PEX14: variants seen among roughly 807,000 people sequenced by gnomAD.
The protein encoded by PEX14 is peroxisomal membrane protein PEX14.
PEX14 carries 15 observed loss-of-function variants against 49.5 expected under a neutral mutation model. The ratio of observed to expected loss-of-function variants is 0.30; its 90% CI spans 0.20 to 0.47. The LOEUF (loss-of-function observed/expected upper bound fraction) is 0.47. Among genes scored for constraint, PEX14 ranks in the 20% least tolerant of loss-of-function variants. The probability of loss-of-function intolerance (pLI) is 1.00; values close to 1 mark genes in which losing one functional copy is unlikely to be tolerated. For missense variants in PEX14, 398 were observed against 494.8 expected, an observed-to-expected ratio of 0.80 and a Z score of 1.86; for synonymous variants, 210 against 212.7, an observed-to-expected ratio of 0.99 and a Z score of 0.11.
chr1:10,544,985 T>A (rs2124498892), intron 3 of PEX14, among the ~76,000 whole-genome samples: 1 of 152,190 alleles, frequency 6.6e-6, no homozygotes, highest in East Asian at 1.9e-4. Context: ...CTGGTCTCGA[T>A]CTCCTGGGCT....
chr1:10,586,326 G>T (rs915291178), intron 3 of PEX14, among the ~76,000 whole-genome samples: 2 of 152,182 alleles, frequency 1.3e-5, no homozygotes, highest in Non-Finnish European at 2.9e-5. Context: ...CTTTGCTGCT[G>T]GGTGTGGGAC....
intron 2 of PEX14, among the ~76,000 whole-genome samples, chr1:10,513,759 A>G (rs1413393426): frequency 2.6e-5 from 4 of 152,170 alleles, no homozygotes; most frequent in African/African-American, 7.2e-5. Flanking sequence ...GCTGGCTGCT[A>G]TATTGATTGC....
chr1:10,476,688 A>G (rs1641201503), intron 1 of PEX14, among the ~76,000 whole-genome samples: 1 of 151,942 alleles, frequency 6.6e-6, no homozygotes, highest in South Asian at 2.1e-4. Context: ...GATAGGTTTC[A>G]CCATGTTGGC....
chr1:10,628,973 G>C lies in PEX14; in HGVS notation c.678-558G>C, dbSNP rs1462318453. Among the ~76,000 whole-genome samples, 3 of 152,246 alleles carry C rather than the reference G, an allele frequency of 2.0e-5. No homozygotes were observed. On this transcript the variant is annotated intron_variant, in intron 8 of 8. Transcript: ENST00000356607. This position sits in a 1 kb window ranked among gnomAD's most constrained non-coding sequence, Gnocchi z 4.5. ...GAGAGCTGCCTCTTCTGCGTTGAAAGTGTTGAGCTCAGAAGTTTTCTAGCA... is the reference window on the plus strand; with the variant it reads ...GAGAGCTGCCTCTTCTGCGTTGAAACTGTTGAGCTCAGAAGTTTTCTAGCA...
chr1:10,526,137 G>T (rs1007235649), intron 2 of PEX14, among the ~76,000 whole-genome samples: 2 of 146,312 alleles, frequency 1.4e-5, no homozygotes, highest in Non-Finnish European at 3.0e-5. Flanking sequence ...AGCCAGGATG[G>T]TCTCGATCTC....
intron 4 of PEX14, among the ~76,000 whole-genome samples, chr1:10,601,332 G>C (rs1397025649): frequency 6.6e-6 from 1 of 150,696 alleles, no homozygotes; most frequent in East Asian, 1.9e-4. Context: ...TGACAGATTC[G>C]TTTTGATCCC....
intron 3 of PEX14, among the ~76,000 whole-genome samples, chr1:10,557,322 A>G (rs1639516143): frequency 6.6e-6 from 1 of 152,220 alleles, no homozygotes; most frequent in Non-Finnish European, 1.5e-5. Context: ...GCAATGGCTC[A>G]CGCCTGTAAT....
intron 1 of PEX14, among the ~76,000 whole-genome samples, chr1:10,486,432 C>G (rs932227654): frequency 2.7e-5 from 4 of 150,592 alleles, no homozygotes; most frequent in African/African-American, 9.8e-5. Context: ...GTAATCCCAG[C>G]ACTTTGGGAG....
chr1:10,627,149 C>T (rs547012695), intron 7 of PEX14, 123 bp from the exon 8 acceptor site: 167 of 760,970 alleles, frequency 2.2e-4, no homozygotes, highest in African/African-American at 2.1e-3. Flanking sequence ...AACCTTCCCC[C>T]GGGTTCCCCA....
chr1:10,490,306 A>G (rs1015446489), intron 1 of PEX14, among the ~76,000 whole-genome samples: 13 of 152,186 alleles, frequency 8.5e-5, no homozygotes, highest in South Asian at 2.1e-4. Context: ...GGGCAGATGC[A>G]GGATGGGTTC....
Position 10,558,716 on chromosome 1 carries a change from G to A in PEX14, c.169+22419G>A, listed in dbSNP as rs900829521. On this transcript the variant is annotated intron_variant, in intron 3 of 8. Transcript: ENST00000356607. ...TGCACCACTGCACTCCAGTCTGGGCGACAGAATGAGACCCTGTCTCAAAAA... is the reference window on the plus strand; with the variant it reads ...TGCACCACTGCACTCCAGTCTGGGCAACAGAATGAGACCCTGTCTCAAAAA... Among the ~76,000 whole-genome samples, 64 of 140,648 alleles carry A rather than the reference G, an allele frequency of 4.6e-4. 1 individual carries two copies. The Admixed American group carries it at 4.7e-3, about 10-fold the overall frequency. The allele number at this position is 140,648 out of a possible 152,430, so 92.3% of individuals were successfully genotyped here. A position where few individuals can be genotyped will look rare whatever the true frequency, so the allele number is the denominator to read the frequency against.
intron 3 of PEX14, among the ~76,000 whole-genome samples, chr1:10,591,357 A>T (rs1640659827): frequency 6.7e-6 from 1 of 149,630 alleles, no homozygotes; most frequent in African/African-American, 2.5e-5. Flanking sequence ...TAGCTCCTAG[A>T]CTTGGCTTGT....
At chr1:10,562,327 T>G (rs989288042) in intron 3 of PEX14, among the ~76,000 whole-genome samples, 87 of 152,206 alleles carry the variant, frequency 5.7e-4, no homozygotes, top group African/African-American at 1.8e-3. Flanking sequence ...ATATTCAAAT[T>G]TAGTCAGTTG....
chr1:10,495,398 AT>A lies in PEX14; in HGVS notation c.84+78del. 1 of 1,196,060 alleles carries A rather than the reference AT, an allele frequency of 8.4e-7. No homozygotes were observed. Among genetic ancestry groups the A allele is most frequent in the Non-Finnish European group, 1.2e-6 (1 of 814,456 alleles). 74.1% of individuals were successfully genotyped at this position (1,196,060 alleles called of 1,614,324 possible). On this transcript the variant is annotated intron_variant, in intron 2 of 8. Transcript: ENST00000356607. This position sits in a 1 kb window ranked among gnomAD's most constrained non-coding sequence, Gnocchi z 4.2. ...GAGTGAAAAGAAACCTTCTGTTCCT[AT>A]GGTTCTGCGTCAGTAGTGTCCCTTT...
chr1:10,508,507 T>G (rs1641827946), intron 2 of PEX14, among the ~76,000 whole-genome samples: 1 of 152,040 alleles, frequency 6.6e-6, no homozygotes, highest in African/African-American at 2.4e-5. Flanking sequence ...GTGCCAGATT[T>G]TTAGATTGGG....
intron 1 of PEX14, among the ~76,000 whole-genome samples, chr1:10,485,429 G>C (rs1042423963): frequency 1.3e-5 from 2 of 148,558 alleles, no homozygotes; most frequent in African/African-American, 5.0e-5. Flanking sequence ...TGATCCTCCA[G>C]CCTCAGCCTC....
chr1:10,587,614 A>G (rs938813251), intron 3 of PEX14, among the ~76,000 whole-genome samples: 2 of 152,192 alleles, frequency 1.3e-5, no homozygotes, highest in African/African-American at 4.8e-5. Context: ...ATCTGAGTCT[A>G]TTCCTAGGGA....
At chr1:10,532,200 G>T (rs1638670588) in intron 2 of PEX14, among the ~76,000 whole-genome samples, 1 of 152,164 alleles carries the variant, frequency 6.6e-6, no homozygotes, top group Non-Finnish European at 1.5e-5. Context: ...TGCTGACAGT[G>T]ACTCCAGTGA....
At chr1:10,620,026 A>G (rs1641544065) in intron 5 of PEX14, among the ~76,000 whole-genome samples, 1 of 151,850 alleles carries the variant, frequency 6.6e-6, no homozygotes, top group Non-Finnish European at 1.5e-5. Context: ...GAGGCAGGAG[A>G]ATGGGGTGAA....
Sources: gnomAD v4.1 joint callset for allele counts (sites outside exome capture counted in the v4.1 genomes callset) on GRCh38, gnomAD v4.1.1 for gene constraint, Gnocchi (gnomAD v3.1) non-coding constraint, MANE v1.5 for transcripts, NCBI Gene and HGNC (gene_info 2026-07-23, HGNC 2026-07-21) for gene names.